Variants in CD86 observed in about 807,000 individuals in gnomAD.
CD86 encodes the protein T-lymphocyte activation antigen CD86.
CD86 carries 11 observed loss-of-function variants against 32.1 expected under a neutral mutation model. The ratio of observed to expected loss-of-function variants is 0.34; its 90% CI spans 0.22 to 0.57. The LOEUF (loss-of-function observed/expected upper bound fraction) is 0.57, where lower values mean the gene tolerates loss of function less well. CD86 is among the 20% of genes least tolerant of loss of function. The pLI, the probability that CD86 is intolerant of heterozygous loss-of-function variation, is 0.86. For missense variants in CD86, 359 were observed against 398.4 expected (o/e 0.90, Z 0.84); for synonymous variants, 137 against 135.3 (o/e 1.01, Z -0.09).
At chr3:122,075,790 G>GGAA (rs1283185881) in intron 1 of CD86, among the ~76,000 whole-genome samples, 1 of 152,144 alleles carries the variant, frequency 6.6e-6, no homozygotes, top group Non-Finnish European at 1.5e-5. Context: ...CAGCATTGGA[G>GGAA]GAGGCTGCTC....
At chr3:122,101,513 A>AAAAAAAATAT (rs1202377219) in intron 2 of CD86, among the ~76,000 whole-genome samples, 1 of 46,338 alleles carries the variant, frequency 2.2e-5, no homozygotes, top group East Asian at 5.8e-4. Context: ...AAAAAAAAAA[A>AAAAAAAATAT]ATATATATAT....
chr3:122,065,667 GA>G (rs1383189300), intron 1 of CD86, among the ~76,000 whole-genome samples: 1 of 152,180 alleles, frequency 6.6e-6, no homozygotes, highest in African/African-American at 2.4e-5. Context: ...CTTTGGTCTG[GA>G]AAGTGAGGCC....
intron 1 of CD86, among the ~76,000 whole-genome samples, chr3:122,064,749 C>G (rs548448198): frequency 2.1e-3 from 319 of 152,228 alleles, no homozygotes; most frequent in African/African-American, 7.3e-3. Flanking sequence ...CCTCTGACCT[C>G]TGTTAATGCA....
At chr3:122,064,438 G>A (rs181847407) in intron 1 of CD86, among the ~76,000 whole-genome samples, 77 of 152,246 alleles carry the variant, frequency 5.1e-4, no homozygotes, top group East Asian at 2.1e-3. Flanking sequence ...GGTACAGCCC[G>A]TATGCTGCAA....
At chr3:122,100,599 A>T (rs1311713626) in intron 2 of CD86, among the ~76,000 whole-genome samples, 1 of 152,230 alleles carries the variant, frequency 6.6e-6, no homozygotes, top group African/African-American at 2.4e-5. Flanking sequence ...CAGCCAGGGA[A>T]CACTGAAGTC....
chr3:122,097,967 C>T (rs768339819), intron 2 of CD86, among the ~76,000 whole-genome samples: 38 of 152,248 alleles, frequency 2.5e-4, no homozygotes, highest in Admixed American at 1.2e-3. Context: ...GCATGACTGG[C>T]GGGAGGCTGA....
At chr3:122,056,589 C>T (rs2072241123) in intron 1 of CD86, among the ~76,000 whole-genome samples, 1 of 152,172 alleles carries the variant, frequency 6.6e-6, no homozygotes, top group Non-Finnish European at 1.5e-5. Flanking sequence ...ACCTCGGCCT[C>T]CCAAAGTGCT....
At chr3:122,066,253 T>G (rs2072411433) in intron 1 of CD86, among the ~76,000 whole-genome samples, 1 of 152,170 alleles carries the variant, frequency 6.6e-6, no homozygotes, top group Admixed American at 6.5e-5. Flanking sequence ...TCTTTGTCAC[T>G]TAGAAGGTTG....
intron 1 of CD86, among the ~76,000 whole-genome samples, chr3:122,074,023 C>T (rs1372175897): frequency 6.6e-6 from 1 of 152,178 alleles, no homozygotes; most frequent in Non-Finnish European, 1.5e-5. Context: ...ATGGAAGGGC[C>T]TCAAGTCCCT....
At position 122,055,498 on chromosome 3, in the gene CD86, C is replaced by T. The variant is rs1240897978; in HGVS notation, c.9C>T (p.Pro3=). 7 of 1,613,830 alleles carry T rather than the reference C, an allele frequency of 4.3e-6. No individual in the cohort carries two copies. Among genetic ancestry groups the T allele is most frequent in the Non-Finnish European group, 5.9e-6 (7 of 1,179,890 alleles). The change falls in exon 1 of 7, where the codon CCC becomes CCT. Residue 3 remains proline, a synonymous_variant. Coordinates refer to ENST00000330540, the MANE Select transcript of CD86 (RefSeq NM_175862.5). MD[P]QCTMGLSNIL... ...CAGCAGAAGCAGCCAAAATGGATCC[C>T]CAGTGGTGAGTAATAATTCTTATTC...
At chr3:122,076,023 A>C (rs1208542634) in intron 1 of CD86, among the ~76,000 whole-genome samples, 2 of 152,240 alleles carry the variant, frequency 1.3e-5, no homozygotes. Flanking sequence ...ACACACAGGC[A>C]TTAAGTAGTG....
intron 1 of CD86, among the ~76,000 whole-genome samples, chr3:122,080,482 G>A (rs765426779): frequency 1.8e-4 from 28 of 151,976 alleles, no homozygotes; most frequent in Non-Finnish European, 3.2e-4. Context: ...TGAGGGGAAC[G>A]CATTCTTCAT....
intron 3 of CD86, among the ~76,000 whole-genome samples, chr3:122,105,864 T>G (rs1559911560): frequency 6.6e-6 from 1 of 151,916 alleles, no homozygotes; most frequent in Non-Finnish European, 1.5e-5. Flanking sequence ...GGCCCTAGAG[T>G]CAGACCACTT....
At chr3:122,061,660 A>G (rs751173739) in intron 1 of CD86, among the ~76,000 whole-genome samples, 37 of 152,222 alleles carry the variant, frequency 2.4e-4, no homozygotes, top group Non-Finnish European at 4.4e-4. Flanking sequence ...ACCTATAAAA[A>G]TGGTTAAAAT....
intron 1 of CD86, among the ~76,000 whole-genome samples, chr3:122,068,042 A>G (rs895045378): frequency 2.0e-5 from 3 of 152,124 alleles, no homozygotes; most frequent in African/African-American, 7.2e-5. Context: ...TGCCACAGGG[A>G]AGTAAGTTTT....
intron 5 of CD86, among the ~76,000 whole-genome samples, chr3:122,111,598 G>A (rs746522541): frequency 6.6e-6 from 1 of 152,220 alleles, no homozygotes; most frequent in Non-Finnish European, 1.5e-5. Flanking sequence ...CTTTGAAGAT[G>A]GAAGGAGGAA....
intron 1 of CD86, among the ~76,000 whole-genome samples, chr3:122,070,626 G>A (rs561136961): frequency 3.9e-5 from 6 of 152,260 alleles, no homozygotes; most frequent in African/African-American, 1.4e-4. Context: ...GGAACTGAAA[G>A]CTATTTTTAA....
At chr3:122,066,798 T>C (rs888542616) in intron 1 of CD86, among the ~76,000 whole-genome samples, 1 of 152,048 alleles carries the variant, frequency 6.6e-6, no homozygotes, top group African/African-American at 2.4e-5. Context: ...CCCAAACTTG[T>C]GGAACTCAGA....
At chr3:122,117,783 A>G (rs2073277084) in intron 5 of CD86, among the ~76,000 whole-genome samples, 1 of 152,242 alleles carries the variant, frequency 6.6e-6, no homozygotes, top group South Asian at 2.1e-4. Flanking sequence ...TTTTTTGGTT[A>G]GCCAGGATAG....
Sources: gnomAD v4.1 joint callset for allele counts (sites outside exome capture counted in the v4.1 genomes callset) on GRCh38, gnomAD v4.1.1 for gene constraint, MANE v1.5 for transcripts, NCBI Gene and HGNC (gene_info 2026-07-23, HGNC 2026-07-21) for gene names.